The following ATP9A variants were observed in gnomAD, a reference collection of about 807,000 sequenced individuals.
ATP9A encodes the protein ATPase phospholipid transporting 9A, also known as probable phospholipid-transporting ATPase IIA.
ATP9A carries 52 observed loss-of-function variants against 144.1 expected under a neutral mutation model. That is an observed-to-expected ratio of 0.36 (90% CI 0.29 to 0.45). The LOEUF (loss-of-function observed/expected upper bound fraction) is 0.45, where lower values mean the gene tolerates loss of function less well. Ranked by LOEUF, ATP9A falls within the 20% of genes least tolerant of loss-of-function variation. The pLI, the probability that ATP9A is intolerant of heterozygous loss-of-function variation, is 1.00. For synonymous variants in ATP9A, 582 were observed against 557.4 expected, an observed-to-expected ratio of 1.04 and a Z score of -0.62; for missense variants, 947 against 1,392.7, an observed-to-expected ratio of 0.68 and a Z score of 5.09.
At chr20:51,684,174 G>C (rs2077512162) in intron 9 of ATP9A, among the ~76,000 whole-genome samples, 1 of 152,076 alleles carries the variant, frequency 6.6e-6, no homozygotes, top group Admixed American at 6.6e-5. Context: ...GACAGATCAA[G>C]ACCCTGTCTT....
rs557254589 is a variant in ATP9A at position 51,596,680 on chromosome 20, C to T, written c.*4531G>A. On this transcript the variant is annotated 3_prime_UTR_variant, in exon 28 of 28. Transcript: ENST00000338821. ...AGAGTTTTCTTTACATTTCATGTAC[C>T]ATGAAATAAAGAAAAAATAGGAGCG... 114 of 151,930 alleles carry T rather than the reference C, an allele frequency of 7.5e-4. No individual in the cohort carries two copies. The highest frequency in any genetic ancestry group is 2.6e-3 in the African/African-American group (108 of 41,386). The allele number at this position is 151,930 out of a possible 1,614,324, so 9.4% of individuals were successfully genotyped here. A position where few individuals can be genotyped will look rare whatever the true frequency, so the allele number is the denominator to read the frequency against.
intron 3 of ATP9A, among the ~76,000 whole-genome samples, chr20:51,714,837 AC>A (rs2077655352): frequency 6.6e-6 from 1 of 152,224 alleles, no homozygotes; most frequent in Non-Finnish European, 1.5e-5. Flanking sequence ...ATAAGTAGAA[AC>A]TAATAAAAAT....
chr20:51,624,345 G>C (rs575066302), intron 18 of ATP9A, among the ~76,000 whole-genome samples: 1 of 152,228 alleles, frequency 6.6e-6, no homozygotes, highest in African/African-American at 2.4e-5. Flanking sequence ...GCAGGCACAC[G>C]TTTCCAGGAG....
intron 3 of ATP9A, among the ~76,000 whole-genome samples, chr20:51,717,087 G>A (rs1035461899): frequency 1.1e-4 from 17 of 149,642 alleles, no homozygotes; most frequent in African/African-American, 3.7e-4. Context: ...CAGGAGAATC[G>A]CTTGAACCTG....
At chr20:51,644,096 T>C (rs1002716105) in intron 14 of ATP9A, among the ~76,000 whole-genome samples, 25 of 151,864 alleles carry the variant, frequency 1.6e-4, no homozygotes, top group African/African-American at 5.8e-4. Context: ...GATGGCGCCA[T>C]TGCACTTCAG....
intron 1 of ATP9A, among the ~76,000 whole-genome samples, chr20:51,743,264 G>A (rs962937199): frequency 1.1e-4 from 16 of 152,286 alleles, no homozygotes; most frequent in Admixed American, 3.3e-4. Flanking sequence ...CAGCTGTCAC[G>A]TTGGTGTTGT....
chr20:51,697,590 G>A (rs1601111646), intron 4 of ATP9A, 108 bp from the exon 5 acceptor site: 9 of 951,194 alleles, frequency 9.5e-6, no homozygotes, highest in Non-Finnish European at 1.3e-5. Context: ...AGAAGTACAC[G>A]CTCCCACACA....
intron 4 of ATP9A, 66 bp from the exon 5 acceptor site, chr20:51,697,548 G>C (rs2122828824): frequency 1.3e-6 from 2 of 1,494,944 alleles, no homozygotes; most frequent in Admixed American, 1.7e-5. Context: ...CGTCTTTACA[G>C]AGTGCCCAGC....
At chr20:51,634,556 T>G (rs1373417620) in intron 15 of ATP9A, among the ~76,000 whole-genome samples, 1 of 152,034 alleles carries the variant, frequency 6.6e-6, no homozygotes, top group East Asian at 1.9e-4. Context: ...CCTCTGGACA[T>G]AAAAATCCCC....
rs1265143477 is a variant in ATP9A, at chr20:51,765,917, A to C, written c.68+2385T>G. 8.5e-5 allele frequency among the ~76,000 whole-genome samples: 13 copies of C among 152,146 alleles called. 1 individual carries two copies. Among genetic ancestry groups the C allele is most frequent in the Non-Finnish European group, 1.9e-4 (13 of 68,024 alleles). On this transcript the variant is annotated intron_variant, in intron 1 of 27. Transcript: ENST00000338821. ...GGTTGCAGTGGGCCAAGACCAAGGC[A>C]TTGCACTCCAGGCAACAAGAGTGAA...
chr20:51,746,097 G>A (rs1232947349), intron 1 of ATP9A, among the ~76,000 whole-genome samples: 1 of 152,182 alleles, frequency 6.6e-6, no homozygotes, highest in Non-Finnish European at 1.5e-5. Context: ...AATACCACGT[G>A]TTCTCACTTA....
At chr20:51,721,998 A>T (rs2077691760) in intron 3 of ATP9A, among the ~76,000 whole-genome samples, 1 of 152,150 alleles carries the variant, frequency 6.6e-6, no homozygotes, top group East Asian at 1.9e-4. Context: ...AGGCACATAG[A>T]TCAATGGAAC....
intron 15 of ATP9A, among the ~76,000 whole-genome samples, chr20:51,637,762 T>C (rs1377148927): frequency 6.6e-6 from 1 of 151,460 alleles, no homozygotes; most frequent in East Asian, 1.9e-4. Flanking sequence ...TATGAGTAAG[T>C]TTTTTAACAG....
chr20:51,702,236 G>A (rs1156335929), intron 4 of ATP9A, among the ~76,000 whole-genome samples: 1 of 150,824 alleles, frequency 6.6e-6, no homozygotes, highest in Admixed American at 6.6e-5. Flanking sequence ...AAAGGCGGAG[G>A]CTGCAGTGAG....
chr20:51,615,990 G>A (rs148528988), intron 22 of ATP9A, among the ~76,000 whole-genome samples: 1,570 of 152,146 alleles, frequency 0.01, 25 homozygotes, highest in African/African-American at 0.035. Context: ...AGAAACAAAG[G>A]AACCAGAATA....
rs368227294 is a variant in ATP9A at position 51,657,368 on chromosome 20, A to G, written c.1294-218T>C. On this transcript the variant is annotated intron_variant, in intron 13 of 27. Transcript: ENST00000338821. ...AAAAGAAAAAGAGACAGAGGAAAAA[A>G]AATACAATTTAATGAACGAGAACGA... Among the ~76,000 whole-genome samples the G allele has an allele frequency of 8.5e-5, 13 of 152,212 alleles. 2 individuals carry two copies. Among genetic ancestry groups the G allele is most frequent in the East Asian group, 3.9e-4 (2 of 5,182 alleles).
intron 1 of ATP9A, among the ~76,000 whole-genome samples, chr20:51,738,808 C>T (rs1040813585): frequency 3.3e-5 from 5 of 152,140 alleles, no homozygotes; most frequent in African/African-American, 7.2e-5. Flanking sequence ...GGAGGCTGGG[C>T]GCGGTGGCTC....
At chr20:51,606,059 G>A (rs976829541) in intron 26 of ATP9A, among the ~76,000 whole-genome samples, 4 of 152,222 alleles carry the variant, frequency 2.6e-5, no homozygotes, top group African/African-American at 9.6e-5. Context: ...CACAAGGTCA[G>A]GAGTTCGAGA....
intron 3 of ATP9A, among the ~76,000 whole-genome samples, chr20:51,724,484 TCTC>T: frequency 6.6e-6 from 1 of 152,174 alleles, no homozygotes; most frequent in Admixed American, 6.5e-5. Flanking sequence ...CCCCTTCACA[TCTC>T]CTACCCTTCA....
Sources: gnomAD v4.1 joint callset for allele counts (sites outside exome capture counted in the v4.1 genomes callset) on GRCh38, gnomAD v4.1.1 for gene constraint, MANE v1.5 for transcripts, NCBI Gene and HGNC (gene_info 2026-07-23, HGNC 2026-07-21) for gene names.